The following EML6 variants were observed in gnomAD, a reference collection of about 807,000 sequenced individuals.
The protein encoded by EML6 is EMAP like 6, also known as echinoderm microtubule-associated protein-like 6.
In EML6, 154 loss-of-function variants were observed where a neutral mutation model predicts 240.1. That is an observed-to-expected ratio of 0.64 (90% CI 0.56 to 0.73). EML6 has a LOEUF of 0.73. EML6 is among the 30% of genes least tolerant of loss of function. The pLI, the probability that EML6 is intolerant of heterozygous loss-of-function variation, is 0.00. For synonymous variants in EML6, 1,148 were observed against 899.0 expected, an observed-to-expected ratio of 1.28 and a Z score of -4.95; for missense variants, 2,964 against 2,474.6, an observed-to-expected ratio of 1.20 and a Z score of -4.20.
chr2:54,915,377 A>G (rs1309284590), intron 25 of EML6, among the ~76,000 whole-genome samples: 1 of 152,066 alleles, frequency 6.6e-6, no homozygotes, highest in Non-Finnish European at 1.5e-5. Flanking sequence ...TAGAATTTGG[A>G]AGGGAGTCAA....
chr2:54,823,072 G>T (rs914823063), intron 5 of EML6, among the ~76,000 whole-genome samples: 1 of 152,136 alleles, frequency 6.6e-6, no homozygotes, highest in Admixed American at 6.5e-5. Context: ...AACTCATTCA[G>T]TTTAATATTT....
chr2:54,809,622 C>T (rs943260771), intron 2 of EML6, among the ~76,000 whole-genome samples: 6 of 152,234 alleles, frequency 3.9e-5, no homozygotes, highest in Non-Finnish European at 7.4e-5. Context: ...GGGGAAAATT[C>T]AAACATAATA....
chr2:54,869,019 A>G (rs1396701249), intron 14 of EML6, 162 bp from the exon 15 acceptor site: 2 of 523,836 alleles, frequency 3.8e-6, no homozygotes, highest in South Asian at 3.6e-5. Context: ...TCATGCCCTC[A>G]GACGGCCACA....
chr2:54,949,152 G>A (rs1031092998), intron 29 of EML6, among the ~76,000 whole-genome samples, 192 bp downstream of exon 29: 1 of 151,952 alleles, frequency 6.6e-6, no homozygotes, highest in Admixed American at 6.6e-5. Context: ...CCACTGTATC[G>A]TATTCCTGCT....
intron 2 of EML6, among the ~76,000 whole-genome samples, chr2:54,769,729 T>C (rs1668330466): frequency 6.6e-6 from 1 of 152,204 alleles, no homozygotes; most frequent in Non-Finnish European, 1.5e-5. Context: ...CTCTTTATGA[T>C]GGTGATTAGA....
At chr2:54,882,308 T>C (rs1051772835) in intron 17 of EML6, 1 of 149,780 alleles carries the variant, frequency 6.7e-6, no homozygotes, top group African/African-American at 2.5e-5. Flanking sequence ...ATCATTCCAA[T>C]TTTAGTCTAG....
Position 54,876,934 on chromosome 2 carries a change from T to A in EML6, c.2345-2613T>A, listed in dbSNP as rs575636846. The stretch of plus-strand genomic sequence containing the variant: ...TATGTAATATAACACCAGAACTTAC[T>A]CTTCCTAACTGTAGCTTTGTACTCA... On this transcript the variant is annotated intron_variant, in intron 16 of 41. Coordinates refer to ENST00000356458, the MANE Select transcript of EML6 (RefSeq NM_001039753.4). Among the ~76,000 whole-genome samples the A allele has an allele frequency of 2.4e-3, 372 of 152,198 alleles. 1 individual carries two copies. Among genetic ancestry groups the A allele is most frequent in the Middle Eastern group, 6.8e-3 (2 of 294 alleles).
intron 22 of EML6, among the ~76,000 whole-genome samples, chr2:54,902,614 G>T (rs1454454480): frequency 1.3e-5 from 2 of 152,144 alleles, no homozygotes; most frequent in Non-Finnish European, 2.9e-5. Flanking sequence ...GCCCAGGCTG[G>T]TCTTGAACTC....
At chr2:54,775,105 T>C (rs1026397514) in intron 2 of EML6, among the ~76,000 whole-genome samples, 3 of 152,238 alleles carry the variant, frequency 2.0e-5, no homozygotes, top group African/African-American at 7.2e-5. Flanking sequence ...CTAACTGGTG[T>C]GCCAGTTCCC....
At chr2:54,920,742 T>C (rs1471930944) in intron 26 of EML6, among the ~76,000 whole-genome samples, 1 of 152,056 alleles carries the variant, frequency 6.6e-6, no homozygotes, top group Non-Finnish European at 1.5e-5. Context: ...CTGATGAATA[T>C]AGGTGCAAAA....
intron 2 of EML6, among the ~76,000 whole-genome samples, chr2:54,768,502 A>G (rs1357876212): frequency 2.6e-5 from 4 of 152,240 alleles, no homozygotes; most frequent in African/African-American, 9.6e-5. Flanking sequence ...ACTTGTAAAC[A>G]GTTTATTTAC....
chr2:54,755,106 A>G (rs1024189641), intron 2 of EML6, among the ~76,000 whole-genome samples: 2 of 152,216 alleles, frequency 1.3e-5, no homozygotes, highest in Non-Finnish European at 2.9e-5. Context: ...TTAAATACAG[A>G]TATACAGTTA....
In EML6 at chr2:54,959,087, T is replaced by A; in HGVS notation, c.4696-17T>A. 15 of 1,545,466 alleles carry A rather than the reference T, an allele frequency of 9.7e-6. No individual in the cohort carries two copies. The highest frequency in any genetic ancestry group is 1.3e-5 in the Non-Finnish European group (15 of 1,143,856). ...TTGAGTGTGTTCCGGGTGTAGAAGATGTTGTTTTGTTTACAGAACAATCTC... is the reference window on the plus strand; with the variant it reads ...TTGAGTGTGTTCCGGGTGTAGAAGAAGTTGTTTTGTTTACAGAACAATCTC... On this transcript the variant is annotated splice_polypyrimidine_tract_variant and intron_variant, in intron 33 of 41. Transcript: ENST00000356458.
chr2:54,847,756 C>T (rs1004691322), intron 9 of EML6, 133 bp downstream of exon 9: 16 of 786,506 alleles, frequency 2.0e-5, no homozygotes, highest in African/African-American at 6.3e-5. Flanking sequence ...TATAGATCTA[C>T]GATCCCCTAT....
rs557618314 is a variant in EML6 at position 54,742,353 on chromosome 2, G to A, written c.197+17095G>A. Among the ~76,000 whole-genome samples, 31 of 152,272 alleles carry A rather than the reference G, an allele frequency of 2.0e-4. 1 individual carries two copies. The highest frequency in any genetic ancestry group is 7.2e-4 in the African/African-American group (30 of 41,552). ...ATGTGTCTCCATGTTACTGCCCACAGCCTTGCTGCTGAAAGTGCCTTCCAG... is the reference window on the plus strand; with the variant it reads ...ATGTGTCTCCATGTTACTGCCCACAACCTTGCTGCTGAAAGTGCCTTCCAG... On this transcript the variant is annotated intron_variant, in intron 2 of 41. Transcript: ENST00000356458.
intron 2 of EML6, among the ~76,000 whole-genome samples, chr2:54,728,444 C>T (rs1572828230): frequency 6.6e-6 from 1 of 152,144 alleles, no homozygotes; most frequent in Admixed American, 6.5e-5. Context: ...CCTCGTTTTC[C>T]GGCTCCCATT....
At position 54,827,626 on chromosome 2, in the gene EML6, G is replaced by T; in HGVS notation, c.586G>T (p.Asp196Tyr). 6.4e-7 allele frequency: 1 copy of T among 1,551,688 alleles called. No individual in the cohort carries two copies. The highest frequency in any genetic ancestry group is 8.7e-7 in the Non-Finnish European group (1 of 1,146,974). ...AKRGIFGKTG[D>Y]LQTILCLACA... ...AAGAGGGATATTTGGCAAAACAGGG[G>T]ATCTTCAGACCATCCTTTGCCTTGC... is the stretch of plus-strand genomic sequence containing the variant. Residue 196 changes from aspartate to tyrosine, a missense_variant, in exon 6 of 42, where the codon GAT (aspartate) becomes TAT (tyrosine). Coordinates refer to ENST00000356458, the MANE Select transcript of EML6 (RefSeq NM_001039753.4).
At chr2:54,829,604 A>G (rs1011591046) in intron 7 of EML6, 127 bp downstream of exon 7, 12 of 655,220 alleles carry the variant, frequency 1.8e-5, no homozygotes, top group Non-Finnish European at 2.9e-5. Flanking sequence ...GAATACAAGC[A>G]AAAGTATGTT....
chr2:54,881,221 A>G (rs979659990), intron 17 of EML6: 3 of 152,200 alleles, frequency 2.0e-5, no homozygotes, highest in African/African-American at 7.2e-5. Context: ...ATTTTACAGT[A>G]AAAAGTAAAT....
Sources: gnomAD v4.1 joint callset for allele counts (sites outside exome capture counted in the v4.1 genomes callset) on GRCh38, gnomAD v4.1.1 for gene constraint, MANE v1.5 for transcripts, NCBI Gene and HGNC (gene_info 2026-07-23, HGNC 2026-07-21) for gene names.